Variants in COL21A1 observed in about 807,000 individuals in gnomAD.
COL21A1 encodes the protein collagen type XXI alpha 1 chain.
COL21A1 carries 149 observed loss-of-function variants against 137.9 expected under a neutral mutation model. That is an observed-to-expected ratio of 1.08 (90% CI 0.95 to 1.24). COL21A1 has a LOEUF of 1.24. Ranked by LOEUF, COL21A1 falls within the 50% of genes most tolerant of loss-of-function variation. The pLI is 0.00. For synonymous variants in COL21A1, 456 were observed against 391.5 expected (o/e 1.16, Z -1.95); for missense variants, 1,167 against 1,158.4 (o/e 1.01, Z -0.11).
chr6:56,179,260 T>C (rs931480515), intron 3 of COL21A1, among the ~76,000 whole-genome samples: 9 of 152,206 alleles, frequency 5.9e-5, no homozygotes, highest in African/African-American at 2.2e-4. Context: ...ATATTTTTAT[T>C]CTTTGTGCCT....
At chr6:56,097,702 G>C (rs192393420) in intron 17 of COL21A1, among the ~76,000 whole-genome samples, 2 of 141,532 alleles carry the variant, frequency 1.4e-5, no homozygotes, top group Non-Finnish European at 3.0e-5. Context: ...TGAGAAACAA[G>C]CAGCCATGGG....
At chr6:56,117,125 CTG>C (rs1426155056) in intron 16 of COL21A1, among the ~76,000 whole-genome samples, 1 of 151,906 alleles carries the variant, frequency 6.6e-6, no homozygotes, top group Non-Finnish European at 1.5e-5. Flanking sequence ...TGTAAACAAA[CTG>C]AACTCTCCAA....
intron 1 of COL21A1, among the ~76,000 whole-genome samples, chr6:56,354,550 TAGA>T (rs1186815245): frequency 6.6e-6 from 1 of 152,030 alleles, no homozygotes; most frequent in African/African-American, 2.4e-5. Flanking sequence ...TGGCCACAGA[TAGA>T]AGAATTTAAC....
intron 5 of COL21A1, among the ~76,000 whole-genome samples, chr6:56,168,902 T>C (rs77456683): frequency 0.013 from 2,007 of 152,094 alleles, 50 homozygotes; most frequent in African/African-American, 0.047. Flanking sequence ...CCTGTACCTC[T>C]CCTATGTGTG....
intron 10 of COL21A1, among the ~76,000 whole-genome samples, chr6:56,146,193 C>T (rs914718783): frequency 1.1e-4 from 17 of 151,800 alleles, no homozygotes; most frequent in Non-Finnish European, 2.5e-4. Context: ...TGGATGTCAC[C>T]CTCCTTTTAA....
At chr6:56,307,386 C>T (rs1764489528) in intron 1 of COL21A1, among the ~76,000 whole-genome samples, 1 of 152,216 alleles carries the variant, frequency 6.6e-6, no homozygotes, top group Non-Finnish European at 1.5e-5. Flanking sequence ...TCCAGCTTCC[C>T]AGCTGCTTTG....
At chr6:56,147,526 C>T (rs563488721) in intron 10 of COL21A1, among the ~76,000 whole-genome samples, 2 of 151,694 alleles carry the variant, frequency 1.3e-5, no homozygotes, top group Admixed American at 6.6e-5. Flanking sequence ...TATCACCAAC[C>T]GAGAACTCTA....
intron 1 of COL21A1, among the ~76,000 whole-genome samples, chr6:56,206,562 G>A (rs1779790545): frequency 6.6e-6 from 1 of 151,618 alleles, no homozygotes; most frequent in South Asian, 2.1e-4. Flanking sequence ...AAATCCCACT[G>A]TCAATATTAG....
At chr6:56,070,433 T>C (rs6459122) in intron 21 of COL21A1, among the ~76,000 whole-genome samples, 111,048 of 151,448 alleles carry the variant, frequency 0.73, 41,202 homozygotes, top group East Asian at 0.87. Flanking sequence ...GAGAACTACA[T>C]GCTCCTGTTT....
rs558193401 is a variant in COL21A1, at chr6:56,263,370, A to G, written c.-38-80714T>C. Reference sequence around the variant, plus strand: ...AAGACTTAGAGAAAGGTCTGACCCAATGACACAAAGGCCATATTTGGAGAC... The same window carrying G: ...AAGACTTAGAGAAAGGTCTGACCCAGTGACACAAAGGCCATATTTGGAGAC... On this transcript the variant is annotated intron_variant, in intron 1 of 28. Transcript: ENST00000370819. Among the ~76,000 whole-genome samples the G allele has an allele frequency of 9.8e-5, 15 of 152,294 alleles. No homozygotes were observed. In the East Asian group the frequency reaches 2.5e-3, roughly 25 times the overall value.
At chr6:56,259,048 C>T (rs985501536) in intron 1 of COL21A1, among the ~76,000 whole-genome samples, 3 of 152,178 alleles carry the variant, frequency 2.0e-5, no homozygotes, top group Admixed American at 6.5e-5. Flanking sequence ...TGCACTCCCC[C>T]TTTATTTTAA....
chr6:56,181,398 T>TG (rs1162757789), intron 2 of COL21A1, among the ~76,000 whole-genome samples: 1 of 147,486 alleles, frequency 6.8e-6, no homozygotes, highest in Non-Finnish European at 1.5e-5. Flanking sequence ...TTTTGTTTTT[T>TG]GTTTTTTTTT....
At chr6:56,190,213 A>T (rs1162115939) in intron 1 of COL21A1, among the ~76,000 whole-genome samples, 4 of 152,194 alleles carry the variant, frequency 2.6e-5, no homozygotes, top group African/African-American at 9.7e-5. Flanking sequence ...AATAAAGAAG[A>T]AAAGAGAAGA....
At chr6:56,077,387 A>T in intron 18 of COL21A1, 142 bp downstream of exon 18, 1 of 612,922 alleles carries the variant, frequency 1.6e-6, no homozygotes, top group Non-Finnish European at 2.8e-6. Flanking sequence ...ACAAATTTGT[A>T]AAGCCAAAAC....
At chr6:56,325,045 C>T (rs1242397157) in intron 1 of COL21A1, among the ~76,000 whole-genome samples, 1 of 150,456 alleles carries the variant, frequency 6.6e-6, no homozygotes, top group Non-Finnish European at 1.5e-5. Context: ...TTTGCGCTAT[C>T]CTGTTTCTCC....
chr6:56,132,443 G>T (rs1278851619), intron 12 of COL21A1, among the ~76,000 whole-genome samples: 2 of 152,102 alleles, frequency 1.3e-5, no homozygotes, highest in Admixed American at 6.5e-5. Context: ...GATTAGCCCT[G>T]CCAATATTAA....
chr6:56,389,624 C>T (rs1340004856), intron 1 of COL21A1, among the ~76,000 whole-genome samples: 1 of 152,018 alleles, frequency 6.6e-6, no homozygotes, highest in African/African-American at 2.4e-5. Context: ...AATAAGACTG[C>T]CTGAAGGCAT....
At chr6:56,292,702 A>G (rs1362926398) in intron 1 of COL21A1, among the ~76,000 whole-genome samples, 1 of 152,228 alleles carries the variant, frequency 6.6e-6, no homozygotes. Context: ...GGGCATCAGC[A>G]TATTCTCCTA....
chr6:56,321,238 G>A (rs1764859426), intron 1 of COL21A1, among the ~76,000 whole-genome samples: 1 of 152,066 alleles, frequency 6.6e-6, no homozygotes, highest in Admixed American at 6.6e-5. Context: ...AAGAATTTTT[G>A]TATACTGACC....
Sources: gnomAD v4.1 joint callset for allele counts (sites outside exome capture counted in the v4.1 genomes callset) on GRCh38, gnomAD v4.1.1 for gene constraint, MANE v1.5 for transcripts, NCBI Gene and HGNC (gene_info 2026-07-23, HGNC 2026-07-21) for gene names.